The following CPS1 variants were observed in gnomAD, a reference collection of about 807,000 sequenced individuals.
CPS1 encodes carbamoyl-phosphate synthase 1, also known as carbamoyl-phosphate synthase [ammonia], mitochondrial.
CPS1 carries 109 observed loss-of-function variants against 174.6 expected under a neutral mutation model. The ratio of observed to expected loss-of-function variants is 0.62; its 90% CI spans 0.53 to 0.73. The LOEUF (loss-of-function observed/expected upper bound fraction) is 0.73. Among genes scored for constraint, CPS1 ranks in the 30% least tolerant of loss-of-function variants. The pLI is 0.00. For synonymous variants in CPS1, 637 were observed against 632.0 expected, an observed-to-expected ratio of 1.01 and a Z score of -0.12; for missense variants, 1,689 against 1,821.9, an observed-to-expected ratio of 0.93 and a Z score of 1.33.
At chr2:210,542,312 A>G (rs1696454340) in intron 1 of CPS1, among the ~76,000 whole-genome samples, 1 of 152,076 alleles carries the variant, frequency 6.6e-6, no homozygotes, top group Non-Finnish European at 1.5e-5. Flanking sequence ...GGAGCCCAAG[A>G]CTACTGGCTT....
At chr2:210,617,872 C>T (rs1699364758) in intron 21 of CPS1, 1 of 151,986 alleles carries the variant, frequency 6.6e-6, no homozygotes, top group Non-Finnish European at 1.5e-5. Context: ...CTACTGTTCT[C>T]AGTTTCAGGC....
At position 210,675,803 on chromosome 2, in the gene CPS1, C is replaced by G. The variant is rs141178702; in HGVS notation, c.4237C>G (p.Gln1413Glu). ...VPATPVAWPS[Q>E]EGQNPSLSSI... ...TGCCACCCCAGTGGCATGGCCGTCT[C>G]AAGAAGGACAGAATCCCAGCCTCTC... Residue 1413 changes from glutamine to glutamate, a missense_variant, in exon 36 of 38, where the codon CAA (glutamine) becomes GAA (glutamate). Coordinates refer to ENST00000233072, the MANE Select transcript of CPS1 (RefSeq NM_001875.5). 13 of 1,595,398 alleles carry G rather than the reference C, an allele frequency of 8.1e-6. No individual in the cohort carries two copies. In the East Asian group the frequency reaches 1.6e-4, roughly 19 times the overall value.
chr2:210,551,337 G>T (rs1235716055), intron 1 of CPS1, among the ~76,000 whole-genome samples: 1 of 151,826 alleles, frequency 6.6e-6, no homozygotes, highest in Non-Finnish European at 1.5e-5. Context: ...TTTTACATTG[G>T]CAATAACTCA....
intron 3 of CPS1, 38 bp downstream of exon 3, chr2:210,576,528 G>A (rs879160668): frequency 6.2e-7 from 1 of 1,611,512 alleles, no homozygotes; most frequent in Non-Finnish European, 8.5e-7. Context: ...GTCTCAATTT[G>A]AGGGAGTATA....
intron 1 of CPS1, among the ~76,000 whole-genome samples, chr2:210,536,986 A>G (rs1696272781): frequency 6.6e-6 from 1 of 152,230 alleles, no homozygotes; most frequent in South Asian, 2.1e-4. Flanking sequence ...TCATGAATTT[A>G]TATCATATTC....
At chr2:210,631,854 CAT>C (rs1322961185) in intron 21 of CPS1, among the ~76,000 whole-genome samples, 1 of 152,122 alleles carries the variant, frequency 6.6e-6, no homozygotes, top group Non-Finnish European at 1.5e-5. Flanking sequence ...TAAAAATTAA[CAT>C]AAAATACTAG....
Position 210,650,367 on chromosome 2 carries a change from T to C in CPS1, c.3409T>C (p.Ser1137Pro). Residue 1137 changes from serine to proline, a missense_variant, in exon 28 of 38, where the codon TCT (serine) becomes CCT (proline). Coordinates refer to ENST00000233072, the MANE Select transcript of CPS1 (RefSeq NM_001875.5). ...TTTTTCCCCTTCCTTTTCCAGTGGG[T>C]CTGCTATGAATGTGGTATTCTCTGA... ...LLRPSYVLSG[S>P]AMNVVFSEDE... 6.2e-7 allele frequency: 1 copy of C among 1,613,456 alleles called. No homozygotes were observed. The highest frequency in any genetic ancestry group is 8.5e-7 in the Non-Finnish European group (1 of 1,179,470).
chr2:210,537,128 A>G (rs1696277202), intron 1 of CPS1, among the ~76,000 whole-genome samples: 1 of 152,240 alleles, frequency 6.6e-6, no homozygotes, highest in Non-Finnish European at 1.5e-5. Context: ...ATGATATTAT[A>G]TATTAGCTAA....
chr2:210,479,655 G>A (rs1045279098), intron 1 of CPS1, among the ~76,000 whole-genome samples: 1 of 152,158 alleles, frequency 6.6e-6, no homozygotes, highest in African/African-American at 2.4e-5. Flanking sequence ...GGACTTCAAC[G>A]TATGAATTTG....
chr2:210,643,028 A>G (rs1700276644), intron 25 of CPS1, among the ~76,000 whole-genome samples: 1 of 152,252 alleles, frequency 6.6e-6, no homozygotes, highest in African/African-American at 2.4e-5. Context: ...TCATCTAGAC[A>G]TACAATAAAC....
chr2:210,608,570 G>A lies in CPS1; in HGVS notation c.2391+11G>A, dbSNP rs761427813. 7 of 1,609,498 alleles carry A rather than the reference G, an allele frequency of 4.3e-6. No individual in the cohort carries two copies. The highest frequency in any genetic ancestry group is 5.9e-6 in the Non-Finnish European group (7 of 1,176,626). On this transcript the variant is annotated intron_variant, in intron 19 of 37. Transcript: ENST00000233072. Reference sequence around the variant, plus strand: ...AAAAGTGTAGGAGAGGTGAGTCCTTGGTTTATTACGCTTTTCTTCTTGTTC... The same window carrying A: ...AAAAGTGTAGGAGAGGTGAGTCCTTAGTTTATTACGCTTTTCTTCTTGTTC...
Position 210,608,526 on chromosome 2 carries a change from C to T in CPS1, c.2358C>T (p.Ser786=), listed in dbSNP as rs1699003909. 6.2e-7 allele frequency: 1 copy of T among 1,611,954 alleles called. No homozygotes were observed. Among genetic ancestry groups the T allele is most frequent in the Non-Finnish European group, 8.5e-7 (1 of 1,178,696 alleles). Residue 786 remains serine, a synonymous_variant, in exon 19 of 38, where the codon AGC becomes AGT. Transcript: ENST00000233072. Reference sequence around the variant, plus strand: ...TTGACCGTTTTCATGGAACATCTAGCCGAATTGGTAGCTCTATGAAAAGTG... The same window carrying T: ...TTGACCGTTTTCATGGAACATCTAGTCGAATTGGTAGCTCTATGAAAAGTG... ...WDLDRFHGTS[S]RIGSSMKSVG...
At position 210,602,253 on chromosome 2, in the gene CPS1, C is replaced by T. The variant is rs1242028775; in HGVS notation, c.1759C>T (p.Arg587Cys). ...ADTIGYPVMI[R>C]SAYALGGLGS... is the part of the protein sequence containing the mutation. ...CACCATTGGCTACCCAGTGATGATC[C>T]GTTCCGCCTATGCACTGGGTGGGTT... Residue 587 changes from arginine (R) to cysteine (C), a missense_variant, in exon 16 of 38, where the codon CGT becomes TGT. By Grantham distance (180) the Arg-to-Cys change is radical. Coordinates refer to ENST00000233072, the MANE Select transcript of CPS1 (RefSeq NM_001875.5). 4 of 1,612,480 alleles carry T rather than the reference C, an allele frequency of 2.5e-6. No individual in the cohort carries two copies. The highest frequency in any genetic ancestry group is 3.4e-6 in the Non-Finnish European group (4 of 1,179,112).
chr2:210,555,594 A>T (rs1231675405), upstream of CPS1: 1 of 455,312 alleles, frequency 2.2e-6, no homozygotes, highest in African/African-American at 2.0e-5. Flanking sequence ...ATTCTATGTT[A>T]TTGAAGCTTA....
intron 37 of CPS1, 89 bp from the exon 38 acceptor site, chr2:210,677,798 G>C (rs1416627619): frequency 1.9e-6 from 2 of 1,049,308 alleles, no homozygotes; most frequent in African/African-American, 3.1e-5. Flanking sequence ...TTGAAAACTG[G>C]GGACAGACAC....
chr2:210,510,375 A>T (rs2105973957), intron 1 of CPS1, among the ~76,000 whole-genome samples: 1 of 152,312 alleles, frequency 6.6e-6, no homozygotes, highest in East Asian at 1.9e-4. Flanking sequence ...ACAAAAATTA[A>T]TTCAAGATGG....
intron 6 of CPS1, among the ~76,000 whole-genome samples, chr2:210,584,935 A>T (rs188795861): frequency 1.3e-5 from 2 of 152,072 alleles, no homozygotes; most frequent in African/African-American, 4.8e-5. Flanking sequence ...CTACGTAGAA[A>T]TCTTTTCCCA....
Position 210,608,346 on chromosome 2 carries a change from G to T in CPS1, c.2193-15G>T, listed in dbSNP as rs2287600. The T allele has an allele frequency of 0.12, 197,719 of 1,608,256 alleles. 13,438 individuals are homozygous for T. The highest frequency in any genetic ancestry group is 0.29 in the East Asian group (12,856 of 44,722). ...TGCTCGAAGAAAAAAAAATAAATTT[G>T]TCTTCTTTTTATAGCTACCCATTGG... On this transcript the variant is annotated splice_polypyrimidine_tract_variant and intron_variant, in intron 18 of 37. Coordinates refer to ENST00000233072, the MANE Select transcript of CPS1 (RefSeq NM_001875.5).
In CPS1 at chr2:210,656,619, G is replaced by T. The variant is rs1700716759; in HGVS notation, c.3653G>T (p.Gly1218Val). The T allele has an allele frequency of 6.2e-7, 1 of 1,612,308 alleles. No individual in the cohort carries two copies. The highest frequency in any genetic ancestry group is 8.5e-7 in the Non-Finnish European group (1 of 1,179,112). The stretch of plus-strand genomic sequence containing the variant: ...CTGCCCACACAAACCATCAGCCAAG[G>T]GGCCATTGAAAAGGTCATCATTTAT... Reference protein sequence around the residue: ...LMLPTQTISQGAIEKVKDATR... With the variant: ...LMLPTQTISQVAIEKVKDATR... The change falls in exon 30 of 38, where the codon GGG (glycine) becomes GTG (valine). Residue 1218 changes from glycine to valine, a missense_variant. Physicochemically the swap from Gly to Val is moderately radical, Grantham distance 109. Transcript: ENST00000233072.
Sources: allele counts gnomAD v4.1 joint callset (sites outside exome capture counted in the v4.1 genomes callset), GRCh38; gene constraint gnomAD v4.1.1; transcripts MANE v1.5; gene names NCBI Gene and HGNC (gene_info 2026-07-23, HGNC 2026-07-21).